RGL1: variants seen among roughly 807,000 people sequenced by gnomAD.
The protein encoded by RGL1 is ral guanine nucleotide dissociation stimulator like 1.
In RGL1, 24 loss-of-function variants were observed where a neutral mutation model predicts 95.2. The observed-to-expected ratio is 0.25, with a 90% confidence interval of 0.18 to 0.35. The LOEUF (loss-of-function observed/expected upper bound fraction) is 0.35. Ranked by LOEUF, RGL1 falls within the 10% of genes least tolerant of loss-of-function variation. The pLI is 1.00. For missense variants in RGL1, 715 were observed against 936.3 expected, an observed-to-expected ratio of 0.76 and a Z score of 3.08; for synonymous variants, 329 against 344.9, an observed-to-expected ratio of 0.95 and a Z score of 0.51.
intron 3 of RGL1, among the ~76,000 whole-genome samples, chr1:183,864,019 A>G (rs1665676697): frequency 1.3e-5 from 2 of 152,156 alleles, no homozygotes; most frequent in African/African-American, 4.8e-5. Context: ...CATTCTGGGG[A>G]GGAACTGTGA....
intron 2 of RGL1, among the ~76,000 whole-genome samples, chr1:183,768,573 A>G (rs1250004052): frequency 6.7e-6 from 1 of 149,664 alleles, no homozygotes; most frequent in Non-Finnish European, 1.5e-5. Flanking sequence ...GACTCAAGCA[A>G]TCCTCCCAAC....
At chr1:183,866,951 A>C (rs1362252599) in intron 4 of RGL1, among the ~76,000 whole-genome samples, 1 of 152,152 alleles carries the variant, frequency 6.6e-6, no homozygotes, top group East Asian at 1.9e-4. Flanking sequence ...GACAAGCTGG[A>C]GTGCATGGGC....
At chr1:183,751,853 C>T (rs1658022379) in intron 2 of RGL1, among the ~76,000 whole-genome samples, 1 of 152,108 alleles carries the variant, frequency 6.6e-6, no homozygotes, top group Non-Finnish European at 1.5e-5. Flanking sequence ...CCCCACCCTG[C>T]TTATGCTTGC....
intron 2 of RGL1, among the ~76,000 whole-genome samples, chr1:183,767,901 T>C (rs1470579958): frequency 6.6e-6 from 1 of 151,992 alleles, no homozygotes; most frequent in Non-Finnish European, 1.5e-5. Context: ...TGCAGTGAGC[T>C]GAGACAGTGC....
chr1:183,666,891 A>G (rs1297674528), intron 1 of RGL1, among the ~76,000 whole-genome samples: 1 of 152,164 alleles, frequency 6.6e-6, no homozygotes, highest in Non-Finnish European at 1.5e-5. Flanking sequence ...GAGTTCAGCT[A>G]TTTCCTTACT....
At chr1:183,803,383 G>A (rs1225191085), upstream of RGL1, among the ~76,000 whole-genome samples, 1 of 152,162 alleles carries the variant, frequency 6.6e-6, no homozygotes, top group Non-Finnish European at 1.5e-5. Flanking sequence ...GTCCCATTTT[G>A]CAGATGAGGA....
intron 9 of RGL1, among the ~76,000 whole-genome samples, chr1:183,892,942 G>C (rs1195612076): frequency 6.6e-6 from 1 of 152,188 alleles, no homozygotes; most frequent in Non-Finnish European, 1.5e-5. Context: ...ACTCAGAGAG[G>C]GTAATAACCT....
At chr1:183,738,896 G>A (rs1657114913) in intron 1 of RGL1, among the ~76,000 whole-genome samples, 1 of 152,098 alleles carries the variant, frequency 6.6e-6, no homozygotes, top group African/African-American at 2.4e-5. Context: ...ACGAGACCCT[G>A]TCTCAAAAGA....
At chr1:183,800,529 GATCT>G (rs1237637994), upstream of RGL1, among the ~76,000 whole-genome samples, 3 of 152,192 alleles carry the variant, frequency 2.0e-5, no homozygotes, top group African/African-American at 7.2e-5. Flanking sequence ...CTTAAATATA[GATCT>G]TCCCCTATTT....
chr1:183,741,315 A>G (rs1261553999), intron 1 of RGL1, among the ~76,000 whole-genome samples: 2 of 152,224 alleles, frequency 1.3e-5, no homozygotes, highest in East Asian at 1.9e-4. Flanking sequence ...AATGGAGGCA[A>G]GGAGACTCTT....
At chr1:183,810,329 A>T (rs1661625206) in intron 2 of RGL1, among the ~76,000 whole-genome samples, 1 of 152,178 alleles carries the variant, frequency 6.6e-6, no homozygotes, top group African/African-American at 2.4e-5. Context: ...ACTTCTGCAA[A>T]ATTTGTGGGC....
intron 1 of RGL1, among the ~76,000 whole-genome samples, chr1:183,637,966 T>A (rs1210307225): frequency 6.6e-6 from 1 of 152,192 alleles, no homozygotes; most frequent in Admixed American, 6.5e-5. Flanking sequence ...ACTTTAGCTG[T>A]TAAAGGTGAT....
At chr1:183,755,770 G>T (rs527729963) in intron 2 of RGL1, among the ~76,000 whole-genome samples, 11 of 152,188 alleles carry the variant, frequency 7.2e-5, no homozygotes, top group African/African-American at 2.6e-4. Context: ...TGTAATAAGT[G>T]TCCACAGGTA....
intron 4 of RGL1, 87 bp from the exon 5 acceptor site, chr1:183,880,529 G>C: frequency 2.5e-6 from 3 of 1,201,140 alleles, no homozygotes; most frequent in Non-Finnish European, 3.5e-6. Flanking sequence ...TTCCAGGGGT[G>C]CCCCTGGGGT....
intron 1 of RGL1, among the ~76,000 whole-genome samples, chr1:183,712,141 G>T (rs976761016): frequency 1.3e-5 from 2 of 152,204 alleles, no homozygotes; most frequent in Admixed American, 6.5e-5. Flanking sequence ...GCCATTCCTT[G>T]GGCAGTAGTA....
chr1:183,679,449 A>G (rs1354818438), intron 1 of RGL1, among the ~76,000 whole-genome samples: 1 of 127,548 alleles, frequency 7.8e-6, no homozygotes, highest in Non-Finnish European at 1.5e-5. Context: ...ATGTGTTCTC[A>G]TTGTTCAACT....
intron 2 of RGL1, among the ~76,000 whole-genome samples, chr1:183,747,760 A>G (rs1657734169): frequency 6.6e-6 from 1 of 152,164 alleles, no homozygotes; most frequent in African/African-American, 2.4e-5. Flanking sequence ...GGATTTTCAC[A>G]TCGATGTTCA....
At chr1:183,835,267 C>T (rs1360551099) in intron 2 of RGL1, among the ~76,000 whole-genome samples, 1 of 146,314 alleles carries the variant, frequency 6.8e-6, no homozygotes, top group Non-Finnish European at 1.5e-5. Context: ...ATAAATCTGC[C>T]CTTTTGTCTG....
chr1:183,662,045 T>C (rs1651670439), intron 1 of RGL1, among the ~76,000 whole-genome samples: 1 of 149,836 alleles, frequency 6.7e-6, no homozygotes. Context: ...AAATTAGGTA[T>C]TGATGGGACA....
Sources: gnomAD v4.1 joint callset for allele counts (sites outside exome capture counted in the v4.1 genomes callset) on GRCh38, gnomAD v4.1.1 for gene constraint, MANE v1.5 for transcripts, NCBI Gene and HGNC (gene_info 2026-07-23, HGNC 2026-07-21) for gene names.